SLIT3: variants seen among roughly 807,000 people sequenced by gnomAD.
The protein encoded by SLIT3 is slit guidance ligand 3, also known as slit homolog 3 protein.
A neutral mutation model predicts 184.0 loss-of-function variants in SLIT3; 68 were observed. The ratio of observed to expected loss-of-function variants is 0.37; its 90% CI spans 0.30 to 0.45. The LOEUF (loss-of-function observed/expected upper bound fraction) is 0.45. Among genes scored for constraint, SLIT3 ranks in the 20% least tolerant of loss-of-function variants. The pLI is 1.00. For missense variants in SLIT3, 1,707 were observed against 2,026.0 expected, an observed-to-expected ratio of 0.84 and a Z score of 3.02; for synonymous variants, 831 against 828.6, an observed-to-expected ratio of 1.00 and a Z score of -0.05.
chr5:169,248,667 C>T (rs542997231), intron 2 of SLIT3, among the ~76,000 whole-genome samples: 179 of 152,256 alleles, frequency 1.2e-3, no homozygotes, highest in South Asian at 2.7e-3. Flanking sequence ...GATCGGAAAT[C>T]GCCCCCCATG....
intron 4 of SLIT3, among the ~76,000 whole-genome samples, chr5:169,095,961 A>G (rs1759762887): frequency 6.6e-6 from 1 of 152,262 alleles, no homozygotes; most frequent in African/African-American, 2.4e-5. Context: ...TACTGCAGAT[A>G]GGGCTCAAGT....
intron 4 of SLIT3, among the ~76,000 whole-genome samples, chr5:169,062,780 A>T (rs180916183): frequency 1.3e-5 from 2 of 152,322 alleles, no homozygotes; most frequent in Admixed American, 1.3e-4. Flanking sequence ...AGTTGGGTCC[A>T]GTAAGTTGTT....
intron 4 of SLIT3, among the ~76,000 whole-genome samples, chr5:169,011,602 C>T (rs1319933086): frequency 1.3e-5 from 2 of 152,126 alleles, no homozygotes; most frequent in Non-Finnish European, 2.9e-5. Flanking sequence ...CACTGCCCAG[C>T]ACACTCAAGA....
intron 23 of SLIT3, chr5:168,717,931 A>T (rs1762796471): frequency 6.6e-6 from 1 of 152,172 alleles, no homozygotes; most frequent in African/African-American, 2.4e-5. Context: ...AAGTGCTGGG[A>T]TTACAGGCAT....
intron 20 of SLIT3, among the ~76,000 whole-genome samples, chr5:168,738,130 C>T (rs1763496149): frequency 6.6e-6 from 1 of 152,198 alleles, no homozygotes; most frequent in Non-Finnish European, 1.5e-5. Flanking sequence ...CCGGGGGTCC[C>T]TGAGGCTTTT....
chr5:168,783,630 A>G (rs1756051714), intron 12 of SLIT3, among the ~76,000 whole-genome samples: 2 of 152,216 alleles, frequency 1.3e-5, no homozygotes, highest in Admixed American at 6.5e-5. Context: ...CAAAGGAGAG[A>G]AAATAACTCA....
At chr5:168,690,533 A>G (rs576764607) in intron 29 of SLIT3, among the ~76,000 whole-genome samples, 1 of 152,204 alleles carries the variant, frequency 6.6e-6, no homozygotes, top group East Asian at 1.9e-4. Context: ...GTTTGCATTT[A>G]CATGTCTCTT....
At chr5:168,989,392 C>T (rs1216211153) in intron 4 of SLIT3, among the ~76,000 whole-genome samples, 1 of 152,212 alleles carries the variant, frequency 6.6e-6, no homozygotes, top group African/African-American at 2.4e-5. Flanking sequence ...TAGGCACAGC[C>T]ACCTGAAATG....
intron 8 of SLIT3, among the ~76,000 whole-genome samples, chr5:168,815,947 C>T (rs563827470): frequency 8.5e-5 from 13 of 152,354 alleles, no homozygotes; most frequent in African/African-American, 2.9e-4. Context: ...GCCAACTCCC[C>T]AGACTCAGCC....
At chr5:169,011,435 C>T (rs2113456649) in intron 4 of SLIT3, among the ~76,000 whole-genome samples, 1 of 152,258 alleles carries the variant, frequency 6.6e-6, no homozygotes, top group South Asian at 2.1e-4. Flanking sequence ...CCAGGTGACA[C>T]CCATCTACAA....
At chr5:168,688,555 G>T (rs1761814288) in intron 29 of SLIT3, among the ~76,000 whole-genome samples, 1 of 152,206 alleles carries the variant, frequency 6.6e-6, no homozygotes, top group Non-Finnish European at 1.5e-5. Flanking sequence ...CACGGAGGGG[G>T]TGATGTGTCC....
At chr5:169,077,031 G>A (rs1189134604) in intron 4 of SLIT3, among the ~76,000 whole-genome samples, 1 of 151,902 alleles carries the variant, frequency 6.6e-6, no homozygotes, top group Non-Finnish European at 1.5e-5. Flanking sequence ...GAACTACCTG[G>A]GATCACTTGT....
intron 20 of SLIT3, among the ~76,000 whole-genome samples, chr5:168,740,968 A>T (rs562761363): frequency 6.6e-6 from 1 of 152,214 alleles, no homozygotes; most frequent in Non-Finnish European, 1.5e-5. Flanking sequence ...CCCATGGCAC[A>T]GCCCGGTCCA....
At chr5:168,987,972 T>A (rs534864826) in intron 4 of SLIT3, among the ~76,000 whole-genome samples, 2 of 152,346 alleles carry the variant, frequency 1.3e-5, no homozygotes, top group East Asian at 3.9e-4. Flanking sequence ...ACAAGTCAAC[T>A]GCACATTAAG....
intron 3 of SLIT3, among the ~76,000 whole-genome samples, chr5:169,233,589 G>A (rs945658293): frequency 9.9e-5 from 15 of 152,060 alleles, no homozygotes; most frequent in African/African-American, 1.9e-4. Context: ...CATGGCACAC[G>A]TTTACCTATG....
In SLIT3 at chr5:168,777,004, A is replaced by G. The variant is rs1225311623; in HGVS notation, c.1152-2626T>C. 3.3e-5 allele frequency among the ~76,000 whole-genome samples: 5 copies of G among 152,074 alleles called. No homozygotes were observed. The South Asian group carries it at 8.3e-4, about 25-fold the overall frequency. On this transcript the variant is annotated intron_variant, in intron 12 of 35. Coordinates refer to ENST00000519560, the MANE Select transcript of SLIT3 (RefSeq NM_003062.4). ...AATCCTTATTGCAGCATTTTGCGTC[A>G]TGCCACATATATGTGTTTTTTCAAT...
At chr5:168,968,263 T>C (rs887410897) in intron 4 of SLIT3, among the ~76,000 whole-genome samples, 2 of 152,152 alleles carry the variant, frequency 1.3e-5, no homozygotes, top group African/African-American at 2.4e-5. Context: ...TCATTACTCT[T>C]CTTGGGTCTC....
At chr5:168,696,210 A>G (rs1017871446) in intron 28 of SLIT3, 82 bp downstream of exon 28, 10 of 1,510,008 alleles carry the variant, frequency 6.6e-6, no homozygotes, top group Middle Eastern at 1.7e-4. Flanking sequence ...AGAGAGGAAG[A>G]GAGTCCCTGG....
intron 4 of SLIT3, among the ~76,000 whole-genome samples, chr5:169,103,979 C>T (rs573931671): frequency 1.3e-5 from 2 of 152,332 alleles, no homozygotes; most frequent in East Asian, 1.9e-4. Context: ...CAGAGACACT[C>T]GTTCCCAGGG....
Sources: gnomAD v4.1 joint callset for allele counts (sites outside exome capture counted in the v4.1 genomes callset) on GRCh38, gnomAD v4.1.1 for gene constraint, MANE v1.5 for transcripts, NCBI Gene and HGNC (gene_info 2026-07-23, HGNC 2026-07-21) for gene names.